Variants in NDC1 observed in about 807,000 individuals in gnomAD.
The protein encoded by NDC1 is NDC1 transmembrane nucleoporin, also known as nucleoporin NDC1.
NDC1 carries 24 observed loss-of-function variants against 89.8 expected under a neutral mutation model. That is an observed-to-expected ratio of 0.27 (90% CI 0.19 to 0.38). The LOEUF is 0.38. Ranked by LOEUF, NDC1 falls within the 10% of genes least tolerant of loss-of-function variation. The pLI, the probability that NDC1 is intolerant of heterozygous loss-of-function variation, is 1.00. For synonymous variants in NDC1, 296 were observed against 284.8 expected (o/e 1.04, Z -0.39); for missense variants, 728 against 797.6 (o/e 0.91, Z 1.05).
intron 16 of NDC1, among the ~76,000 whole-genome samples, chr1:53,776,493 T>C (rs1015691146): frequency 3.3e-5 from 5 of 152,242 alleles, no homozygotes; most frequent in African/African-American, 1.2e-4. Flanking sequence ...AAAATGATAC[T>C]ACCTTAAATA....
intron 5 of NDC1, among the ~76,000 whole-genome samples, chr1:53,819,398 T>G (rs1269078837): frequency 6.6e-6 from 1 of 152,256 alleles, no homozygotes; most frequent in African/African-American, 2.4e-5. Flanking sequence ...ATTTTTTTGT[T>G]GCTTACCATG....
intron 16 of NDC1, among the ~76,000 whole-genome samples, chr1:53,773,122 T>A (rs1307938854): frequency 6.6e-6 from 1 of 152,028 alleles, no homozygotes; most frequent in East Asian, 1.9e-4. Flanking sequence ...ACCAAAACTT[T>A]ATACTTTACA....
At chr1:53,787,127 T>A in intron 16 of NDC1, 31 bp downstream of exon 16, 1 of 1,231,478 alleles carries the variant, frequency 8.1e-7, no homozygotes, top group East Asian at 2.3e-5. Context: ...GAAGATGACC[T>A]CTACCCCCTC....
At chr1:53,811,285 G>C (rs989180693) in intron 6 of NDC1, among the ~76,000 whole-genome samples, 7 of 152,122 alleles carry the variant, frequency 4.6e-5, no homozygotes, top group Non-Finnish European at 8.8e-5. Context: ...CCAGAACTTG[G>C]GGGAGAGGGC....
rs143177960 is a variant in NDC1 at position 53,808,433 on chromosome 1, G to A, written c.756-642C>T. Among the ~76,000 whole-genome samples the A allele has an allele frequency of 3.6e-3, 552 of 152,202 alleles. 1 individual carries two copies. The highest frequency in any genetic ancestry group is 0.013 in the South Asian group (62 of 4,820). ...AAATCACTCCACCTATCCCACCAGC[G>A]GTTTCCTCATCCATATAAGAGTGGC... On this transcript the variant is annotated intron_variant, in intron 7 of 17. Transcript: ENST00000371429.
chr1:53,800,646 G>C (rs375600093), intron 11 of NDC1, 47 bp downstream of exon 11: 1 of 1,599,546 alleles, frequency 6.3e-7, no homozygotes, highest in African/African-American at 1.3e-5. Flanking sequence ...TCTTTCTTAG[G>C]AAATAAAATG....
At position 53,797,098 on chromosome 1, in the gene NDC1, A is replaced by C; in HGVS notation, c.1269T>G (p.Pro423=). 6.2e-7 allele frequency: 1 copy of C among 1,614,166 alleles called. No homozygotes were observed. The highest frequency in any genetic ancestry group is 8.5e-7 in the Non-Finnish European group (1 of 1,179,988). ...ATGTTTTAACTAATGGTGGCACTGA[A>C]GGCCGAGGCATCTGGCTAGATTTTG... The part of the protein sequence containing the change: ...QTPKSSQMPR[P]SVPPLVKTSL... Residue 423 remains proline, a synonymous_variant, in exon 12 of 18, where the codon CCT becomes CCG. Transcript: ENST00000371429.
chr1:53,827,941 G>C (rs534137186), intron 4 of NDC1, 58 bp downstream of exon 4: 1 of 1,372,672 alleles, frequency 7.3e-7, no homozygotes, highest in African/African-American at 1.4e-5. Flanking sequence ...ACCTATATAG[G>C]TCACCTTTGG....
At chr1:53,794,413 G>A (rs974300496) in intron 13 of NDC1, among the ~76,000 whole-genome samples, 8 of 152,210 alleles carry the variant, frequency 5.3e-5, no homozygotes, top group Non-Finnish European at 1.2e-4. Flanking sequence ...TCAGAAGGCT[G>A]CAGCAAGCAG....
At chr1:53,784,715 C>A (rs756245081) in intron 16 of NDC1, among the ~76,000 whole-genome samples, 2 of 151,952 alleles carry the variant, frequency 1.3e-5, no homozygotes, top group East Asian at 1.9e-4. Context: ...GGTGTGAACC[C>A]GGGAGGCACA....
At chr1:53,789,919 C>T (rs1181171) in intron 14 of NDC1, among the ~76,000 whole-genome samples, 2,358 of 152,072 alleles carry the variant, frequency 0.016, 67 homozygotes, top group African/African-American at 0.053. Flanking sequence ...GCCTGGCCAA[C>T]ATGCTGAAAC....
chr1:53,776,746 T>C (rs1647166607), intron 16 of NDC1, among the ~76,000 whole-genome samples: 1 of 152,202 alleles, frequency 6.6e-6, no homozygotes, highest in South Asian at 2.1e-4. Flanking sequence ...ATCAATTGTA[T>C]TCAATGAAAA....
At position 53,772,193 on chromosome 1, in the gene NDC1, G is replaced by A. The variant is rs149595581; in HGVS notation, c.1961+136C>T. ...ATATAAATATTAAGTCCACATCCAA[G>A]CTGTAAGTTTACAGTGAGAATCATC... On this transcript the variant is annotated intron_variant, in intron 17 of 17. Transcript: ENST00000371429. 1.0e-4 allele frequency: 77 copies of A among 737,822 alleles called. No homozygotes were observed. In the African/African-American group the frequency reaches 1.2e-3, roughly 12 times the overall value. The allele number at this position is 737,822 out of a possible 1,614,324, so 45.7% of individuals were successfully genotyped here.
chr1:53,814,282 G>A (rs1648407928), intron 6 of NDC1, among the ~76,000 whole-genome samples: 1 of 152,196 alleles, frequency 6.6e-6, no homozygotes, highest in Admixed American at 6.5e-5. Flanking sequence ...GTGAACCCGG[G>A]AGGTGGAGCT....
chr1:53,835,848 T>A (rs775511642), intron 1 of NDC1, among the ~76,000 whole-genome samples: 1 of 152,168 alleles, frequency 6.6e-6, no homozygotes, highest in Non-Finnish European at 1.5e-5. Context: ...TCATACTTTG[T>A]ATGAGGGGTG....
intron 5 of NDC1, among the ~76,000 whole-genome samples, chr1:53,822,017 ATTAT>A (rs1268054299): frequency 6.6e-6 from 1 of 151,674 alleles, no homozygotes; most frequent in African/African-American, 2.4e-5. Flanking sequence ...CATCTTTTTT[ATTAT>A]TTGTATTTTT....
chr1:53,819,002 A>C lies in NDC1; in HGVS notation c.672T>G (p.Val224=), dbSNP rs1648568732. 1.9e-6 allele frequency: 3 copies of C among 1,567,934 alleles called. No homozygotes were observed. The highest frequency in any genetic ancestry group is 2.6e-6 in the Non-Finnish European group (3 of 1,157,464). Residue 224 remains valine (V), a synonymous_variant, in exon 6 of 18, where the codon GTT becomes GTG. Transcript: ENST00000371429. ...KHSCVESLFL[V]RNFCILYYFL... is the part of the protein sequence containing the mutation. ...AATAATATAAAATGCAGAAATTTCTAACCAGGAACAGTGATTCCACACAAC... is the reference window on the plus strand; with the variant it reads ...AATAATATAAAATGCAGAAATTTCTCACCAGGAACAGTGATTCCACACAAC...
In NDC1 at chr1:53,825,841, T is replaced by A; in HGVS notation, c.551A>T (p.Tyr184Phe). 6.2e-7 allele frequency: 1 copy of A among 1,605,614 alleles called. No homozygotes were observed. The highest frequency in any genetic ancestry group is 2.2e-5 in the East Asian group (1 of 44,764). ...AAGATAGTTCATGTTGTTAACAAAATACAGGAGGCTATAGCTATAGCCCAT... is the reference window on the plus strand; with the variant it reads ...AAGATAGTTCATGTTGTTAACAAAAAACAGGAGGCTATAGCTATAGCCCAT... Reference protein sequence around the residue: ...AFMGYSYSLLYFVNNMNYLPF... With the variant: ...AFMGYSYSLLFFVNNMNYLPF... Residue 184 changes from tyrosine to phenylalanine, a missense_variant, in exon 5 of 18, where the codon TAT becomes TTT. Physicochemically the swap from Tyr to Phe is conservative, Grantham distance 22. Transcript: ENST00000371429.
At chr1:53,811,072 G>C (rs1264644714) in intron 6 of NDC1, among the ~76,000 whole-genome samples, 3 of 152,210 alleles carry the variant, frequency 2.0e-5, no homozygotes, top group Admixed American at 2.0e-4. Flanking sequence ...AACCAGTTTA[G>C]AGAGTCAAGC....
Sources: gnomAD v4.1 joint callset for allele counts (sites outside exome capture counted in the v4.1 genomes callset) on GRCh38, gnomAD v4.1.1 for gene constraint, MANE v1.5 for transcripts, NCBI Gene and HGNC (gene_info 2026-07-23, HGNC 2026-07-21) for gene names.